The following TASP1 variants were observed in gnomAD, a reference collection of about 807,000 sequenced individuals.
TASP1 encodes taspase 1.
TASP1 carries 16 observed loss-of-function variants against 56.6 expected under a neutral mutation model. The ratio of observed to expected loss-of-function variants is 0.28; its 90% CI spans 0.19 to 0.43. The LOEUF is 0.43. TASP1 is among the 20% of genes least tolerant of loss of function. The pLI, the probability that TASP1 is intolerant of heterozygous loss-of-function variation, is 1.00. For missense variants in TASP1, 393 were observed against 511.6 expected (o/e 0.77, Z 2.24); for synonymous variants, 179 against 184.2 (o/e 0.97, Z 0.23).
At chr20:13,184,028 C>CA in the TASP1 span, among the ~76,000 whole-genome samples, 2,694 of 61,098 alleles carry the variant, frequency 0.044, 46 homozygotes, top group South Asian at 0.064. Context: ...GACTCTGTCT[C>CA]AAAAAAAAAA....
chr20:13,231,759 C>T, the TASP1 span, among the ~76,000 whole-genome samples: 4,803 of 152,172 alleles, frequency 0.032, 260 homozygotes, highest in African/African-American at 0.11. Flanking sequence ...GATAGTACTG[C>T]GAGGTTCATG....
the TASP1 span, among the ~76,000 whole-genome samples, chr20:13,338,241 G>T: frequency 3.9e-4 from 60 of 152,136 alleles, no homozygotes; most frequent in Non-Finnish European, 2.5e-4. Context: ...GACCACATAG[G>T]GTAATTTTCT....
At chr20:13,130,223 C>T in the TASP1 span, among the ~76,000 whole-genome samples, 1 of 152,130 alleles carries the variant, frequency 6.6e-6, no homozygotes, top group Non-Finnish European at 1.5e-5. Context: ...ATTAGCTCAC[C>T]CCTTTCTGCA....
the TASP1 span, among the ~76,000 whole-genome samples, chr20:13,181,099 CTCTT>C: frequency 6.6e-6 from 1 of 152,216 alleles, no homozygotes; most frequent in African/African-American, 2.4e-5. Context: ...TAAAGATTCT[CTCTT>C]GACTCAGGAG....
the TASP1 span, among the ~76,000 whole-genome samples, chr20:13,295,211 C>T: frequency 6.6e-6 from 1 of 152,198 alleles, no homozygotes; most frequent in African/African-American, 2.4e-5. Flanking sequence ...CTCTTCTGAT[C>T]CCACCTGCTG....
At chr20:13,594,867 T>A (rs1360278770) in intron 4 of TASP1, among the ~76,000 whole-genome samples, 3 of 151,930 alleles carry the variant, frequency 2.0e-5, no homozygotes, top group African/African-American at 7.3e-5. Context: ...ATCCAGGAAA[T>A]ACAGAGAACA....
chr20:13,362,867 GCTC>G, the TASP1 span, among the ~76,000 whole-genome samples: 1 of 137,990 alleles, frequency 7.2e-6, no homozygotes, highest in Non-Finnish European at 1.6e-5. Context: ...CTTGCACAGA[GCTC>G]CTAAAACCTT....
chr20:13,367,265 T>C, the TASP1 span, among the ~76,000 whole-genome samples: 100 of 152,350 alleles, frequency 6.6e-4, no homozygotes, highest in African/African-American at 2.4e-3. Flanking sequence ...TTTAACTGTC[T>C]TGGGCTTTGT....
chr20:13,585,924 C>CA (rs2047285783), intron 5 of TASP1, among the ~76,000 whole-genome samples: 1 of 152,106 alleles, frequency 6.6e-6, no homozygotes, highest in Admixed American at 6.5e-5. Context: ...CACTTGAGGT[C>CA]AGGAGTTCAA....
the TASP1 span, among the ~76,000 whole-genome samples, chr20:13,284,743 C>G: frequency 6.6e-6 from 1 of 152,300 alleles, no homozygotes; most frequent in East Asian, 1.9e-4. Flanking sequence ...GAGGCAGTTT[C>G]ACTTCACTGT....
intron 11 of TASP1, among the ~76,000 whole-genome samples, chr20:13,459,445 C>T (rs1209158740): frequency 1.3e-5 from 2 of 152,214 alleles, no homozygotes; most frequent in African/African-American, 4.8e-5. Context: ...TCTGCTCTTG[C>T]CCCATCATAC....
intron 1 of TASP1, among the ~76,000 whole-genome samples, chr20:13,630,778 TA>T (rs1003144285): frequency 7.6e-5 from 10 of 131,826 alleles, no homozygotes. Flanking sequence ...TATTCCAAAA[TA>T]AAAAAAAGCA....
chr20:13,142,859 C>T, the TASP1 span, among the ~76,000 whole-genome samples: 3 of 152,168 alleles, frequency 2.0e-5, no homozygotes, highest in Non-Finnish European at 4.4e-5. Context: ...AGGGCCCCTC[C>T]ATCTTCAAAG....
the TASP1 span, among the ~76,000 whole-genome samples, chr20:13,254,651 G>A: frequency 6.6e-6 from 1 of 152,168 alleles, no homozygotes; most frequent in Non-Finnish European, 1.5e-5. Context: ...AAAGGGAGAA[G>A]CTGGGCACTA....
rs553571786 is a variant in TASP1, at chr20:13,442,275, CACACAGACACAG to C, written c.986-7133_986-7122del. ...TCCACCACACACACACATACACAGA[CACACAGACACAG>C]ACACAGACACACACACACACACACA... On this transcript the variant is annotated intron_variant, in intron 11 of 13. Transcript: ENST00000337743. 1.4e-3 allele frequency among the ~76,000 whole-genome samples: 213 copies of C among 151,292 alleles called. 1 individual carries two copies. The highest frequency in any genetic ancestry group is 4.4e-3 in the African/African-American group (179 of 40,900).
chr20:13,362,487 AC>A, the TASP1 span, among the ~76,000 whole-genome samples: 2 of 135,056 alleles, frequency 1.5e-5, no homozygotes, highest in African/African-American at 6.3e-5. Context: ...GCACCTTGAG[AC>A]CCCCACTCCT....
chr20:13,510,567 T>C (rs1038131567), intron 10 of TASP1, among the ~76,000 whole-genome samples: 1 of 152,152 alleles, frequency 6.6e-6, no homozygotes, highest in Non-Finnish European at 1.5e-5. Context: ...AAATGAAAAT[T>C]ACATGATTTT....
chr20:13,605,573 G>A (rs945256021), intron 4 of TASP1, among the ~76,000 whole-genome samples: 12 of 152,014 alleles, frequency 7.9e-5, no homozygotes, highest in East Asian at 1.9e-4. Context: ...CCAGCTGCTC[G>A]GGAGGGAGAT....
chr20:13,290,320 C>G, the TASP1 span, among the ~76,000 whole-genome samples: 2 of 151,926 alleles, frequency 1.3e-5, no homozygotes, highest in African/African-American at 4.8e-5. Context: ...ATGAAGTAAA[C>G]GAAAATAATG....
Sources: gnomAD v4.1 joint callset for allele counts (sites outside exome capture counted in the v4.1 genomes callset) on GRCh38, gnomAD v4.1.1 for gene constraint, MANE v1.5 for transcripts, NCBI Gene and HGNC (gene_info 2026-07-23, HGNC 2026-07-21) for gene names.